The following RAB7B variants were observed in gnomAD, a reference collection of about 807,000 sequenced individuals.
RAB7B encodes the protein RAB7B, member RAS oncogene family.
intron 4 of RAB7B, among the ~76,000 whole-genome samples, chr1:205,988,070 T>C (rs936108386): frequency 2.6e-5 from 4 of 152,184 alleles, no homozygotes; most frequent in Admixed American, 6.5e-5. Flanking sequence ...ATACAGTTCA[T>C]GGGCATTCGG....
intron 1 of RAB7B, among the ~76,000 whole-genome samples, chr1:205,999,703 G>A (rs1284611802): frequency 6.6e-6 from 1 of 152,174 alleles, no homozygotes; most frequent in Non-Finnish European, 1.5e-5. Context: ...CCATCAATAT[G>A]ACACTCTCTA....
chr1:205,990,150 A>G (rs1458582175), intron 4 of RAB7B, among the ~76,000 whole-genome samples: 2 of 152,320 alleles, frequency 1.3e-5, no homozygotes, highest in Admixed American at 6.5e-5. Flanking sequence ...CCCTGGATAC[A>G]TATTCCCAAA....
At chr1:205,988,793 C>A (rs981900777) in intron 4 of RAB7B, among the ~76,000 whole-genome samples, 2 of 152,166 alleles carry the variant, frequency 1.3e-5, no homozygotes, top group African/African-American at 2.4e-5. Flanking sequence ...ATCTGCGGGA[C>A]GGGCTCCGAG....
chr1:205,980,633 G>T (rs916837284), intron 5 of RAB7B, among the ~76,000 whole-genome samples: 4 of 152,192 alleles, frequency 2.6e-5, no homozygotes, highest in African/African-American at 9.7e-5. Context: ...TGAGGACCAT[G>T]TAAAGCTGCT....
intron 4 of RAB7B, among the ~76,000 whole-genome samples, chr1:205,990,939 C>G (rs1465872205): frequency 6.6e-6 from 1 of 151,970 alleles, no homozygotes; most frequent in Non-Finnish European, 1.5e-5. Flanking sequence ...AGATGCCCAC[C>G]ACCACGTATT....
intron 5 of RAB7B, chr1:205,984,288 G>A (rs1192813025): frequency 1.3e-5 from 2 of 152,252 alleles, no homozygotes; most frequent in Admixed American, 1.3e-4. Flanking sequence ...GCCTAGCTGG[G>A]CTCTTCTCCC....
At chr1:205,985,219 TCTC>T (rs1660568349) in intron 5 of RAB7B, among the ~76,000 whole-genome samples, 1 of 152,164 alleles carries the variant, frequency 6.6e-6, no homozygotes, top group African/African-American at 2.4e-5. Context: ...GACCATCACT[TCTC>T]AAACCCTTCC....
rs1660722618 is a variant in RAB7B, at chr1:205,991,612, C to T, written c.396+868G>A. ...AGCACCATCCCTCTCTCCCTTTCTC[C>T]TTCCATAAACACACTTTATCATGCC... On this transcript the variant is annotated intron_variant, in intron 4 of 5. Coordinates refer to ENST00000617070, the MANE Select transcript of RAB7B (RefSeq NM_001164522.3). 2.6e-5 allele frequency among the ~76,000 whole-genome samples: 4 copies of T among 152,376 alleles called. No individual in the cohort carries two copies. In the South Asian group the frequency reaches 6.2e-4, roughly 24 times the overall value.
Position 205,981,959 on chromosome 1 carries a change from C to G in RAB7B, c.523-3031G>C, listed in dbSNP as rs954671616. 6.7e-3 allele frequency among the ~76,000 whole-genome samples: 1,016 copies of G among 152,320 alleles called. 16 individuals are homozygous for G. The highest frequency in any genetic ancestry group is 0.022 in the African/African-American group (933 of 41,572). ...GTTAACCGAACACCTACTCTGGTTT[C>G]TTTCAGAATGTTAGCTGAACACCTA... On this transcript the variant is annotated intron_variant, in intron 5 of 5. Coordinates refer to ENST00000617070, the MANE Select transcript of RAB7B (RefSeq NM_001164522.3).
intron 4 of RAB7B, among the ~76,000 whole-genome samples, chr1:205,988,741 G>A (rs1660661926): frequency 6.6e-6 from 1 of 152,170 alleles, no homozygotes; most frequent in South Asian, 2.1e-4. Flanking sequence ...ACCGGTCCAG[G>A]CTGCGGAGGC....
chr1:205,976,975 G>A lies in RAB7B; in HGVS notation c.*1876C>T, dbSNP rs1392123781. On this transcript the variant is annotated 3_prime_UTR_variant, in exon 6 of 6. Coordinates refer to ENST00000617070, the MANE Select transcript of RAB7B (RefSeq NM_001164522.3). ...TGCTCTAGGCTGCCCCCCTGTTCCC[G>A]TGCTGGCTCCATGCTGGTGTCCAGA... 4.6e-5 allele frequency: 7 copies of A among 152,164 alleles called. No homozygotes were observed. The highest frequency in any genetic ancestry group is 9.7e-5 in the African/African-American group (4 of 41,418). The allele number at this position is 152,164 out of a possible 1,614,324, so 9.4% of individuals were successfully genotyped here. A position where few individuals can be genotyped will look rare whatever the true frequency, so the allele number is the denominator to read the frequency against.
chr1:205,985,871 A>C (rs1362029203), intron 4 of RAB7B, among the ~76,000 whole-genome samples: 1 of 74,058 alleles, frequency 1.4e-5, no homozygotes, highest in African/African-American at 4.8e-5. Context: ...GAACCTCCCA[A>C]GTGTCTCTAA....
At chr1:205,993,594 T>C (rs964696768) in intron 2 of RAB7B, 48 bp from the exon 3 acceptor site, 3 of 398,288 alleles carry the variant, frequency 7.5e-6, no homozygotes, top group African/African-American at 2.1e-5. Flanking sequence ...CAAACACACA[T>C]GCACATGCTT....
chr1:205,989,778 C>G (rs1460654498), intron 4 of RAB7B, among the ~76,000 whole-genome samples: 1 of 152,156 alleles, frequency 6.6e-6, no homozygotes, highest in Non-Finnish European at 1.5e-5. Context: ...AAGCCCTAGT[C>G]CAAGTTCCTT....
At chr1:205,997,637 G>A (rs903907041) in intron 1 of RAB7B, among the ~76,000 whole-genome samples, 3,786 of 152,294 alleles carry the variant, frequency 0.025, 175 homozygotes, top group African/African-American at 0.087. Flanking sequence ...TTCAAGGCTT[G>A]AACCTGGGCT....
intron 5 of RAB7B, among the ~76,000 whole-genome samples, chr1:205,979,647 A>G (rs1010837809): frequency 6.6e-6 from 1 of 152,008 alleles, no homozygotes; most frequent in Non-Finnish European, 1.5e-5. Flanking sequence ...AAGGGATCCC[A>G]TCTCTTCACG....
At chr1:205,981,510 C>G (rs934316579) in intron 5 of RAB7B, among the ~76,000 whole-genome samples, 16 of 131,700 alleles carry the variant, frequency 1.2e-4, no homozygotes, top group African/African-American at 1.8e-4. Context: ...ATTTCTTTCA[C>G]AATGTTAACT....
At chr1:205,984,743 T>C (rs1489551948) in intron 5 of RAB7B, among the ~76,000 whole-genome samples, 3 of 152,234 alleles carry the variant, frequency 2.0e-5, no homozygotes, top group Admixed American at 6.5e-5. Context: ...CTTTCTGTCA[T>C]GAAGCCCCTG....
intron 5 of RAB7B, among the ~76,000 whole-genome samples, chr1:205,983,021 T>C (rs1660523404): frequency 6.6e-6 from 1 of 152,198 alleles, no homozygotes; most frequent in Non-Finnish European, 1.5e-5. Flanking sequence ...GGTTTCAAGG[T>C]CCTGGGTGAG....
Sources: gnomAD v4.1 joint callset for allele counts (sites outside exome capture counted in the v4.1 genomes callset) on GRCh38, gnomAD v4.1.1 for gene constraint, MANE v1.5 for transcripts, NCBI Gene and HGNC (gene_info 2026-07-23, HGNC 2026-07-21) for gene names.